The following DERA variants were observed in gnomAD, a reference collection of about 807,000 sequenced individuals.
The protein encoded by DERA is deoxyribose-phosphate aldolase.
DERA carries 15 observed loss-of-function variants against 41.1 expected under a neutral mutation model. That is an observed-to-expected ratio of 0.37 (90% CI 0.24 to 0.56). The LOEUF is 0.56. DERA is among the 20% of genes least tolerant of loss of function. The pLI, the probability that DERA is intolerant of heterozygous loss-of-function variation, is 0.81. For missense variants in DERA, 396 were observed against 403.4 expected, an observed-to-expected ratio of 0.98 and a Z score of 0.16; for synonymous variants, 139 against 137.4, an observed-to-expected ratio of 1.01 and a Z score of -0.08.
rs542474313 is a variant in DERA at position 15,935,411 on chromosome 12, C to T, written c.32-21525C>T. ...CTGAGCTGGGAGGATTGCTTGAACC[C>T]GGGAGGTGGAAGTTGCAGTGAGCAA... On this transcript the variant is annotated intron_variant, in intron 1 of 8. Coordinates refer to ENST00000428559, the MANE Select transcript of DERA (RefSeq NM_015954.4). The surrounding 1 kb of genome is among the most constrained non-coding windows in gnomAD (Gnocchi z 4.8). 2.8e-4 allele frequency among the ~76,000 whole-genome samples: 43 copies of T among 152,124 alleles called. No individual in the cohort carries two copies. The highest frequency in any genetic ancestry group is 5.6e-4 in the Non-Finnish European group (38 of 67,986).
Position 15,911,464 on chromosome 12 carries a change from G to C in DERA, c.31+50G>C. On this transcript the variant is annotated intron_variant, in intron 1 of 8. Transcript: ENST00000428559. The surrounding 1 kb of genome is among the most constrained non-coding windows in gnomAD (Gnocchi z 4.5). ...TCCCCTCTCCCTCGCGTTCAGCGCCGCCGGGACTAGCGCGGGGCCTGCTGC... is the reference window on the plus strand; with the variant it reads ...TCCCCTCTCCCTCGCGTTCAGCGCCCCCGGGACTAGCGCGGGGCCTGCTGC... 7.1e-7 allele frequency: 1 copy of C among 1,398,728 alleles called. No individual in the cohort carries two copies. 86.6% of individuals were successfully genotyped at this position (1,398,728 alleles called of 1,614,324 possible).
At position 15,993,331 on chromosome 12, in the gene DERA, A is replaced by G. The variant is rs1039471691; in HGVS notation, c.637+10895A>G. Among the ~76,000 whole-genome samples, 4 of 152,178 alleles carry G rather than the reference A, an allele frequency of 2.6e-5. No individual in the cohort carries two copies. Among genetic ancestry groups the G allele is most frequent in the African/African-American group, 9.6e-5 (4 of 41,462 alleles). ...TATATTTTTGAAAATTTAAATATGCATCAAATAGTAAAGTAAATGACAATG... is the reference window on the plus strand; with the variant it reads ...TATATTTTTGAAAATTTAAATATGCGTCAAATAGTAAAGTAAATGACAATG... On this transcript the variant is annotated intron_variant, in intron 6 of 8. Coordinates refer to ENST00000428559, the MANE Select transcript of DERA (RefSeq NM_015954.4). The surrounding 1 kb of genome is among the most constrained non-coding windows in gnomAD (Gnocchi z 4.4).
Position 15,998,374 on chromosome 12 carries a change from A to G in DERA, c.637+15938A>G, listed in dbSNP as rs1433139313. Among the ~76,000 whole-genome samples, 1 of 151,964 alleles carries G rather than the reference A, an allele frequency of 6.6e-6. No individual in the cohort carries two copies. The highest frequency in any genetic ancestry group is 1.9e-4 in the East Asian group (1 of 5,180). ...GCTGTGTCGCCCAGGCTAGAGTGCA[A>G]TGGCCGGATCTTGGCTCACGGCAAC... On this transcript the variant is annotated intron_variant, in intron 6 of 8. Coordinates refer to ENST00000428559, the MANE Select transcript of DERA (RefSeq NM_015954.4). This position sits in a 1 kb window ranked among gnomAD's most constrained non-coding sequence, Gnocchi z 4.8.
At chr12:15,953,827 G>A (rs545289454) in intron 1 of DERA, among the ~76,000 whole-genome samples, 1 of 152,122 alleles carries the variant, frequency 6.6e-6, no homozygotes, top group Non-Finnish European at 1.5e-5. Context: ...GAGAACATGG[G>A]TTATTTGATG....
chr12:15,917,839 A>AT (rs912317642), intron 1 of DERA, among the ~76,000 whole-genome samples: 3 of 152,004 alleles, frequency 2.0e-5, no homozygotes, highest in African/African-American at 7.3e-5. Context: ...TCCAGGCAGC[A>AT]TTTTTTTCAG....
chr12:15,944,392 TG>T (rs1387400789), intron 1 of DERA, among the ~76,000 whole-genome samples: 6 of 152,186 alleles, frequency 3.9e-5, no homozygotes, highest in African/African-American at 1.2e-4. Flanking sequence ...CAGCACCTGT[TG>T]TTTCCTGACT....
In DERA at chr12:15,913,091, T is replaced by A. The variant is rs1380559447; in HGVS notation, c.31+1677T>A. Among the ~76,000 whole-genome samples, 3 of 152,260 alleles carry A rather than the reference T, an allele frequency of 2.0e-5. No homozygotes were observed. In the East Asian group the frequency reaches 5.8e-4, roughly 29 times the overall value. On this transcript the variant is annotated intron_variant, in intron 1 of 8. Coordinates refer to ENST00000428559, the MANE Select transcript of DERA (RefSeq NM_015954.4). The surrounding 1 kb of genome is among the most constrained non-coding windows in gnomAD (Gnocchi z 4.5). The stretch of plus-strand genomic sequence containing the variant: ...CTATGCATACATCAAGGATGTGCCC[T>A]AAATTTCCCAAAACTTAGACATTTT...
intron 6 of DERA, among the ~76,000 whole-genome samples, chr12:16,029,427 A>AAAAT (rs77820032): frequency 0.019 from 2,821 of 150,512 alleles, 114 homozygotes; most frequent in African/African-American, 0.064. Context: ...ACTCCGTCTC[A>AAAAT]AAATAAATAA....
intron 6 of DERA, among the ~76,000 whole-genome samples, chr12:15,987,382 G>A (rs1948772134): frequency 1.3e-5 from 2 of 151,730 alleles, no homozygotes; most frequent in Admixed American, 1.3e-4. Context: ...GGTTACAGGT[G>A]TACACTACCA....
chr12:15,946,788 T>C (rs2136139842), intron 1 of DERA, among the ~76,000 whole-genome samples: 1 of 152,362 alleles, frequency 6.6e-6, no homozygotes, highest in Middle Eastern at 3.4e-3. Flanking sequence ...TGTTCGCTCT[T>C]GCTTCTCTAG....
chr12:15,958,334 AG>A lies in DERA; in HGVS notation c.277+1del. On this transcript the variant is annotated frameshift_variant and splice_region_variant, in exon 3 of 9. Transcript: ENST00000428559. LOFTEE classifies it high-confidence loss of function. ...TAAAAGCTTTAAATATGCATGATAA[AG>A]GTAATGTTGTTGTGTGTGATCTATG... ...LLKALNMHDK[G>X]ITTAAVCVYP... The A allele has an allele frequency of 6.2e-7, 1 of 1,600,264 alleles. No homozygotes were observed. Among genetic ancestry groups the A allele is most frequent in the Non-Finnish European group, 8.5e-7 (1 of 1,174,198 alleles).
chr12:16,009,702 A>G lies in DERA; in HGVS notation c.638-22840A>G, dbSNP rs1006882035. On this transcript the variant is annotated intron_variant, in intron 6 of 8. Transcript: ENST00000428559. The surrounding 1 kb of genome is among the most constrained non-coding windows in gnomAD (Gnocchi z 5.3). ...CCATGTATTCATTTTGGATTTTGAC[A>G]TTTAATAACCTTCCTGAAATACATG... is the stretch of plus-strand genomic sequence containing the variant. 6.6e-6 allele frequency among the ~76,000 whole-genome samples: 1 copy of G among 152,164 alleles called. No individual in the cohort carries two copies. Among genetic ancestry groups the G allele is most frequent in the Non-Finnish European group, 1.5e-5 (1 of 68,024 alleles).
At chr12:16,034,617 G>A (rs1348544313) in intron 7 of DERA, among the ~76,000 whole-genome samples, 1 of 152,160 alleles carries the variant, frequency 6.6e-6, no homozygotes, top group Non-Finnish European at 1.5e-5. Context: ...AGACTATAAA[G>A]TTTCTACGTC....
chr12:16,006,189 G>A (rs951677710), intron 6 of DERA, among the ~76,000 whole-genome samples: 3 of 152,178 alleles, frequency 2.0e-5, no homozygotes. Flanking sequence ...GACTGTAGGT[G>A]ACAATCCCTT....
chr12:15,956,822 TA>T (rs754295430), intron 1 of DERA, 113 bp from the exon 2 acceptor site: 8 of 829,938 alleles, frequency 9.6e-6, no homozygotes, highest in East Asian at 2.5e-5. Context: ...ATATAAGCTT[TA>T]AAAAAAGGTT....
At chr12:15,955,275 G>T (rs562772284) in intron 1 of DERA, among the ~76,000 whole-genome samples, 53 of 151,902 alleles carry the variant, frequency 3.5e-4, no homozygotes, top group African/African-American at 1.2e-3. Flanking sequence ...TTCCAGCCTG[G>T]GCGACAGAGA....
chr12:15,949,607 C>G (rs529707382), intron 1 of DERA, among the ~76,000 whole-genome samples: 17 of 152,290 alleles, frequency 1.1e-4, no homozygotes, highest in African/African-American at 4.1e-4. Context: ...CACAGCTTCC[C>G]TTGGCTAGGG....
At chr12:16,005,320 C>T (rs1948901878) in intron 6 of DERA, among the ~76,000 whole-genome samples, 3 of 151,986 alleles carry the variant, frequency 2.0e-5, no homozygotes, top group Admixed American at 1.3e-4. Flanking sequence ...GTAAGGCGCA[C>T]CTACAGTCCT....
rs748860736 is a variant in DERA, at chr12:16,011,439, G to A, written c.638-21103G>A. On this transcript the variant is annotated intron_variant, in intron 6 of 8. Transcript: ENST00000428559. The surrounding 1 kb of genome is among the most constrained non-coding windows in gnomAD (Gnocchi z 4.7). ...AATCCAAAAATCTGAAATGTGAAAT[G>A]CTCCAGTGATCATTTCTTTTGAGTA... Among the ~76,000 whole-genome samples, 4 of 152,126 alleles carry A rather than the reference G, an allele frequency of 2.6e-5. No individual in the cohort carries two copies. Among genetic ancestry groups the A allele is most frequent in the Non-Finnish European group, 5.9e-5 (4 of 68,032 alleles).
Sources: gnomAD v4.1 joint callset for allele counts (sites outside exome capture counted in the v4.1 genomes callset) on GRCh38, gnomAD v4.1.1 for gene constraint, Gnocchi (gnomAD v3.1) non-coding constraint, MANE v1.5 for transcripts, NCBI Gene and HGNC (gene_info 2026-07-23, HGNC 2026-07-21) for gene names.